PLD5: variants seen among roughly 807,000 people sequenced by gnomAD.
The protein encoded by PLD5 is phospholipase D family member 5.
In PLD5, 36 loss-of-function variants were observed where a neutral mutation model predicts 61.1. That is an observed-to-expected ratio of 0.59 (90% CI 0.45 to 0.78). The LOEUF (loss-of-function observed/expected upper bound fraction) is 0.78. Ranked by LOEUF, PLD5 falls within the 30% of genes least tolerant of loss-of-function variation. The probability of loss-of-function intolerance (pLI) is 0.00; values close to 1 mark genes in which losing one functional copy is unlikely to be tolerated. For missense variants in PLD5, 515 were observed against 644.4 expected (o/e 0.80, Z 2.17); for synonymous variants, 243 against 242.8 (o/e 1.00, Z -0.01).
intron 1 of PLD5, among the ~76,000 whole-genome samples, chr1:242,523,864 G>A (rs1483340509): frequency 6.6e-6 from 1 of 152,194 alleles, no homozygotes; most frequent in Non-Finnish European, 1.5e-5. Flanking sequence ...CGGGTCGGCA[G>A]GGACCAAGAG....
chr1:242,299,627 G>A (rs1675914304), intron 2 of PLD5, among the ~76,000 whole-genome samples: 1 of 152,216 alleles, frequency 6.6e-6, no homozygotes, highest in South Asian at 2.1e-4. Flanking sequence ...TTCCCCCCAA[G>A]TCATGAATGT....
intron 1 of PLD5, among the ~76,000 whole-genome samples, chr1:242,445,204 T>C (rs184611643): frequency 1.1e-3 from 169 of 152,320 alleles, no homozygotes; most frequent in Non-Finnish European, 2.0e-3. Flanking sequence ...CAGAGAGCTA[T>C]CGAGCTCATT....
chr1:242,267,724 TAAA>T lies in PLD5; in HGVS notation c.496-2279_496-2277del, dbSNP rs869105885. ...AGGAGACCCTGTCTCTACAAAAAGT[TAAA>T]AAAAAAAAAAAAAGCCAGGCATGAT... On this transcript the variant is annotated intron_variant, in intron 3 of 9. Coordinates refer to ENST00000536534, the MANE Select transcript of PLD5 (RefSeq NM_001372062.1). 2.6e-4 allele frequency among the ~76,000 whole-genome samples: 32 copies of T among 123,186 alleles called. 1 individual carries two copies. The Admixed American group carries it at 2.6e-3, about 10-fold the overall frequency. The allele number at this position is 123,186 out of a possible 152,430, so 80.8% of individuals were successfully genotyped here.
intron 5 of PLD5, among the ~76,000 whole-genome samples, chr1:242,207,736 T>TTTTATATATATTTATATATATTTATA (rs1420853148): frequency 2.1e-5 from 2 of 97,126 alleles, no homozygotes; most frequent in Non-Finnish European, 3.9e-5. Context: ...GAAATCGATG[T>TTTTATATATATTTATATATATTTATA]TTTATATATA....
intron 1 of PLD5, among the ~76,000 whole-genome samples, chr1:242,461,468 C>G (rs1040113241): frequency 3.9e-5 from 6 of 152,328 alleles, no homozygotes; most frequent in African/African-American, 9.6e-5. Context: ...TCAAATACCA[C>G]ATTGCCTTTT....
intron 1 of PLD5, among the ~76,000 whole-genome samples, chr1:242,436,944 T>G (rs577073193): frequency 6.6e-6 from 1 of 152,308 alleles, no homozygotes; most frequent in South Asian, 2.1e-4. Context: ...TGGATTTGGA[T>G]TATGAGGCTA....
At chr1:242,458,994 A>T (rs1667030019) in intron 1 of PLD5, among the ~76,000 whole-genome samples, 1 of 152,216 alleles carries the variant, frequency 6.6e-6, no homozygotes, top group Non-Finnish European at 1.5e-5. Flanking sequence ...GCATTACATC[A>T]GTCTATTCAA....
chr1:242,254,947 G>T (rs1002588172), intron 4 of PLD5, among the ~76,000 whole-genome samples: 2 of 152,230 alleles, frequency 1.3e-5, no homozygotes, highest in Non-Finnish European at 2.9e-5. Flanking sequence ...CACTTTGACG[G>T]CAGCGTATAG....
In PLD5 at chr1:242,524,148, G is replaced by C; in HGVS notation, c.129C>G (p.Ser43Arg). Residue 43 changes from serine (S) to arginine (R), a missense_variant, in exon 1 of 10, where the codon AGC becomes AGG. By Grantham distance (110) the Ser-to-Arg change is moderately radical. This residue lies in a region of PLD5 where 450 missense variants were observed against 598.1 expected (regional missense o/e 0.75). Coordinates refer to ENST00000536534, the MANE Select transcript of PLD5 (RefSeq NM_001372062.1). Reference sequence around the variant, plus strand: ...TGGCGCTGTAGTCCTGCTGCTTGACGCTGCTGTAGAAGTTCGCGCCCACTC... The same window carrying C: ...TGGCGCTGTAGTCCTGCTGCTTGACCCTGCTGTAGAAGTTCGCGCCCACTC... ...LTRVGANFYS[S>R]VKQQDYSASV... 1 of 1,535,606 alleles carries C rather than the reference G, an allele frequency of 6.5e-7. No homozygotes were observed. Among genetic ancestry groups the C allele is most frequent in the Non-Finnish European group, 8.7e-7 (1 of 1,146,628 alleles).
intron 4 of PLD5, among the ~76,000 whole-genome samples, chr1:242,231,416 C>A (rs78080577): frequency 2.0e-5 from 3 of 152,312 alleles, no homozygotes; most frequent in African/African-American, 7.2e-5. Flanking sequence ...TTTGGAGGAG[C>A]TTTGCTTTCT....
intron 1 of PLD5, among the ~76,000 whole-genome samples, chr1:242,512,056 T>G (rs1315864209): frequency 6.6e-6 from 1 of 152,020 alleles, no homozygotes; most frequent in Non-Finnish European, 1.5e-5. Context: ...AGGAATCAGT[T>G]GAGTCAGAAA....
intron 2 of PLD5, among the ~76,000 whole-genome samples, chr1:242,345,305 G>A (rs568109819): frequency 6.6e-6 from 1 of 152,284 alleles, no homozygotes; most frequent in African/African-American, 2.4e-5. Flanking sequence ...GTAGTAGAAT[G>A]TAGATTTAAA....
intron 1 of PLD5, among the ~76,000 whole-genome samples, chr1:242,463,869 C>G (rs1290550552): frequency 6.6e-6 from 1 of 152,038 alleles, no homozygotes. Context: ...ACAAAAAAGG[C>G]CTTCCATTCT....
chr1:242,474,825 C>CCTTCTCTGCAAACT (rs1214254470), intron 1 of PLD5, among the ~76,000 whole-genome samples: 1 of 152,224 alleles, frequency 6.6e-6, no homozygotes, highest in Non-Finnish European at 1.5e-5. Flanking sequence ...CCTGAAATCA[C>CCTTCTCTGCAAACT]CTTCTCTGCA....
At position 242,256,380 on chromosome 1, in the gene PLD5, A is replaced by C. The variant is rs1673016091; in HGVS notation, c.607+8957T>G. On this transcript the variant is annotated intron_variant, in intron 4 of 9. Coordinates refer to ENST00000536534, the MANE Select transcript of PLD5 (RefSeq NM_001372062.1). The surrounding 1 kb of genome is among the most constrained non-coding windows in gnomAD (Gnocchi z 5.7). Reference sequence around the variant, plus strand: ...AGATCTATTTCTCTATCTGATTTGAATGTCCCTCAAGAATCATTCGTTTAA... The same window carrying C: ...AGATCTATTTCTCTATCTGATTTGACTGTCCCTCAAGAATCATTCGTTTAA... 6.6e-6 allele frequency among the ~76,000 whole-genome samples: 1 copy of C among 152,236 alleles called. No individual in the cohort carries two copies. The highest frequency in any genetic ancestry group is 1.5e-5 in the Non-Finnish European group (1 of 68,040).
At chr1:242,221,831 A>T (rs10737875) in intron 4 of PLD5, among the ~76,000 whole-genome samples, 2 of 151,902 alleles carry the variant, frequency 1.3e-5, no homozygotes, top group East Asian at 3.9e-4. Flanking sequence ...CAGACACAGC[A>T]GACAGTGTTC....
intron 5 of PLD5, among the ~76,000 whole-genome samples, chr1:242,154,686 G>A (rs574340123): frequency 6.6e-6 from 1 of 152,250 alleles, no homozygotes; most frequent in South Asian, 2.1e-4. Context: ...GCATCTCAGG[G>A]ATGAAGCTCA....
intron 1 of PLD5, among the ~76,000 whole-genome samples, chr1:242,375,035 CA>C (rs1290352544): frequency 6.6e-6 from 1 of 152,192 alleles, no homozygotes; most frequent in African/African-American, 2.4e-5. Flanking sequence ...TTACAGTTTA[CA>C]ATGCCATTTT....
Position 242,249,225 on chromosome 1 carries a change from G to C in PLD5, c.607+16112C>G, listed in dbSNP as rs1672569157. Among the ~76,000 whole-genome samples the C allele has an allele frequency of 5.3e-5, 8 of 152,162 alleles. No homozygotes were observed. In the South Asian group the frequency reaches 1.7e-3, roughly 32 times the overall value. On this transcript the variant is annotated intron_variant, in intron 4 of 9. Transcript: ENST00000536534. Reference sequence around the variant, plus strand: ...CCATTGGGCTCCTCCCTTTTGAATTGTATTAAATGGCCTTATAAAGGGACT... The same window carrying C: ...CCATTGGGCTCCTCCCTTTTGAATTCTATTAAATGGCCTTATAAAGGGACT...
Sources: allele counts gnomAD v4.1 joint callset (sites outside exome capture counted in the v4.1 genomes callset), GRCh38; gene constraint gnomAD v4.1.1; regional missense constraint gnomAD v4.1.1; non-coding constraint Gnocchi (gnomAD v3.1); transcripts MANE v1.5; gene names NCBI Gene and HGNC (gene_info 2026-07-23, HGNC 2026-07-21).